HDX: variants seen among roughly 807,000 people sequenced by gnomAD.
The protein encoded by HDX is chromosome X open reading frame 43.
A neutral mutation model predicts 45.2 loss-of-function variants in HDX; 19 were observed. That is an observed-to-expected ratio of 0.42 (90% confidence interval 0.29 to 0.62). The LOEUF is 0.62. HDX is among the 20% of genes least tolerant of loss of function. The pLI is 0.20. For synonymous variants in HDX, 188 were observed against 172.8 expected, an observed-to-expected ratio of 1.09 and a Z score of -0.69; for missense variants, 532 against 493.9, an observed-to-expected ratio of 1.08 and a Z score of -0.73.
At position 84,320,574 on chromosome X, in the gene HDX, A is replaced by G. The variant is rs943069621; in HGVS notation, c.*1315T>C. The G allele has an allele frequency of 9.0e-6, 1 of 111,395 alleles. No homozygotes were observed. The highest frequency in any genetic ancestry group is 3.2e-5 in the African/African-American group (1 of 30,862). 9.2% of individuals were successfully genotyped at this position (111,395 alleles called of 1,213,427 possible). ...AAAACAAATTGGAAACAGAAACTTG[A>G]TGGCTGAAACAGCCATCCAGCTACT... On this transcript the variant is annotated 3_prime_UTR_variant, in exon 11 of 11. Coordinates refer to ENST00000373177, the MANE Select transcript of HDX (RefSeq NM_001177479.2).
At chrX:84,340,145 C>G (rs2037055790) in intron 7 of HDX, among the ~76,000 whole-genome samples, 1 of 110,729 alleles carries the variant, frequency 9.0e-6, no homozygotes, top group Non-Finnish European at 1.9e-5. Flanking sequence ...AGAGGTAAGT[C>G]AGAAGTTCTG....
chrX:84,361,089 T>A (rs73507063), intron 6 of HDX, among the ~76,000 whole-genome samples: 1 of 112,053 alleles, frequency 8.9e-6, no homozygotes, highest in African/African-American at 3.2e-5. Flanking sequence ...TTATATACCT[T>A]TTATGTTAAT....
chrX:84,445,398 G>T (rs2039850665), intron 4 of HDX, among the ~76,000 whole-genome samples: 1 of 110,861 alleles, frequency 9.0e-6, no homozygotes, highest in Admixed American at 9.6e-5. Flanking sequence ...CAATCACTCT[G>T]CTTTAATAGG....
At chrX:84,495,137 A>G (rs1569379768) in intron 1 of HDX, among the ~76,000 whole-genome samples, 1 of 110,835 alleles carries the variant, frequency 9.0e-6, no homozygotes, top group Non-Finnish European at 1.9e-5. Context: ...TGGAATCTAA[A>G]AAAAAAAAAA....
chrX:84,465,274 C>A (rs943385464), intron 4 of HDX, among the ~76,000 whole-genome samples: 2 of 111,776 alleles, frequency 1.8e-5, no homozygotes, highest in Non-Finnish European at 3.8e-5. Flanking sequence ...AAATCCTCAA[C>A]GATCTAGAAC....
intron 1 of HDX, among the ~76,000 whole-genome samples, chrX:84,500,586 C>G (rs1047963469): frequency 9.1e-6 from 1 of 110,263 alleles, no homozygotes; most frequent in Non-Finnish European, 1.9e-5. Context: ...GTAACACTTG[C>G]ATTAGATTAA....
chrX:84,437,305 C>CA (rs1323714349), intron 5 of HDX, among the ~76,000 whole-genome samples: 423 of 109,021 alleles, frequency 3.9e-3, no homozygotes, highest in African/African-American at 0.014. Flanking sequence ...CCTTAGGAGA[C>CA]TTTTTTTTTA....
intron 5 of HDX, among the ~76,000 whole-genome samples, chrX:84,364,518 T>G (rs1334447723): frequency 9.3e-5 from 7 of 75,149 alleles, no homozygotes; most frequent in Non-Finnish European, 1.6e-4. Context: ...TTTTTTTTTT[T>G]TGAGATGGAG....
intron 5 of HDX, among the ~76,000 whole-genome samples, chrX:84,402,331 C>A: frequency 8.9e-6 from 1 of 112,030 alleles, no homozygotes. Context: ...CTGTAACATT[C>A]TATGCTTTGT....
intron 5 of HDX, among the ~76,000 whole-genome samples, chrX:84,389,241 C>T (rs992401826): frequency 9.8e-5 from 11 of 111,858 alleles, no homozygotes; most frequent in East Asian, 2.8e-4. Flanking sequence ...ATTTGCTCTT[C>T]GGCTTTCTCA....
intron 5 of HDX, among the ~76,000 whole-genome samples, chrX:84,382,480 T>C (rs1169004188): frequency 2.7e-5 from 3 of 111,899 alleles, no homozygotes; most frequent in African/African-American, 9.7e-5. Context: ...AAAGAAAATA[T>C]AGTACGTACA....
chrX:84,342,538 T>TGAGA (rs1345139155), intron 7 of HDX, among the ~76,000 whole-genome samples: 1 of 108,103 alleles, frequency 9.3e-6, no homozygotes, highest in Non-Finnish European at 1.9e-5. Context: ...TGTGTGTGTG[T>TGAGA]GAGAGAGAGA....
chrX:84,349,592 T>A (rs1329523799), intron 6 of HDX, among the ~76,000 whole-genome samples: 1 of 86,476 alleles, frequency 1.2e-5, no homozygotes, highest in Non-Finnish European at 2.1e-5. Flanking sequence ...TGTACATCTA[T>A]ATGTTTATGT....
intron 5 of HDX, among the ~76,000 whole-genome samples, chrX:84,364,460 G>A (rs2037692404): frequency 2.0e-5 from 2 of 99,228 alleles, no homozygotes; most frequent in Admixed American, 1.1e-4. Context: ...TAGGCACAAC[G>A]TCGTACAGCA....
intron 2 of HDX, among the ~76,000 whole-genome samples, chrX:84,476,950 C>T (rs2040568611): frequency 8.9e-6 from 1 of 112,154 alleles, no homozygotes; most frequent in African/African-American, 3.2e-5. Flanking sequence ...CTTCTACTGA[C>T]TTTCTGAAGG....
chrX:84,403,798 A>G (rs1192864253), intron 5 of HDX: 1 of 112,362 alleles, frequency 8.9e-6, no homozygotes, highest in Non-Finnish European at 1.9e-5. Flanking sequence ...CAAAATGTTT[A>G]TCACAAAAGC....
intron 5 of HDX, among the ~76,000 whole-genome samples, chrX:84,418,561 G>T (rs944119857): frequency 9.0e-6 from 1 of 111,080 alleles, no homozygotes; most frequent in Non-Finnish European, 1.9e-5. Flanking sequence ...ATTGGGATTT[G>T]GCAACAGATT....
chrX:84,374,364 C>T (rs1454923907), intron 5 of HDX, among the ~76,000 whole-genome samples: 2 of 109,508 alleles, frequency 1.8e-5, no homozygotes, highest in Non-Finnish European at 3.8e-5. Flanking sequence ...AATGCCATCC[C>T]CATCAAGCTA....
chrX:84,363,542 T>C (rs1002715795), intron 5 of HDX, among the ~76,000 whole-genome samples: 5 of 112,068 alleles, frequency 4.5e-5, no homozygotes, highest in Non-Finnish European at 9.4e-5. Flanking sequence ...CCTGATTTGA[T>C]TTGCTGGAAG....
Sources: gnomAD v4.1 joint callset for allele counts (sites outside exome capture counted in the v4.1 genomes callset) on GRCh38, gnomAD v4.1.1 for gene constraint, MANE v1.5 for transcripts, NCBI Gene and HGNC (gene_info 2026-07-23, HGNC 2026-07-21) for gene names.